MBOAT1: variants seen among roughly 807,000 people sequenced by gnomAD.
MBOAT1 encodes membrane-bound glycerophospholipid O-acyltransferase 1.
MBOAT1 carries 67 observed loss-of-function variants against 64.4 expected under a neutral mutation model. The observed-to-expected ratio is 1.04, with a 90% confidence interval of 0.85 to 1.27. The LOEUF is 1.27. Among genes scored for constraint, MBOAT1 ranks in the 50% most tolerant of loss-of-function variants. The pLI, the probability that MBOAT1 is intolerant of heterozygous loss-of-function variation, is 0.00. For synonymous variants in MBOAT1, 229 were observed against 218.9 expected (o/e 1.05, Z -0.41); for missense variants, 563 against 604.6 (o/e 0.93, Z 0.72).
intron 12 of MBOAT1, among the ~76,000 whole-genome samples, chr6:20,108,041 G>A (rs944994153): frequency 8.5e-4 from 130 of 152,300 alleles, no homozygotes; most frequent in African/African-American, 3.1e-3. Context: ...CAAGGAGGCA[G>A]AAGCAGTCAG....
chr6:20,168,026 C>G (rs949541236), intron 1 of MBOAT1, among the ~76,000 whole-genome samples: 1 of 152,272 alleles, frequency 6.6e-6, no homozygotes, highest in Non-Finnish European at 1.5e-5. Flanking sequence ...CCCTACCTAG[C>G]CTACCAGATG....
intron 1 of MBOAT1, among the ~76,000 whole-genome samples, chr6:20,166,305 A>T (rs9460461): frequency 0.071 from 10,779 of 152,134 alleles, 376 homozygotes; most frequent in South Asian, 0.097. Flanking sequence ...GTGAACTTAG[A>T]TTTTCATAGA....
chr6:20,110,216 C>CT (rs11337867), intron 11 of MBOAT1, among the ~76,000 whole-genome samples: 26,480 of 140,306 alleles, frequency 0.19, 2,558 homozygotes, highest in East Asian at 0.24. Flanking sequence ...GCCCAGGACT[C>CT]TTTTTTTTTT....
At chr6:20,152,847 TTTTG>T in intron 1 of MBOAT1, 78 bp from the exon 2 acceptor site, 1 of 777,470 alleles carries the variant, frequency 1.3e-6, no homozygotes, top group South Asian at 2.0e-5. Context: ...TTTTGTTTTG[TTTTG>T]AGACGGAGTC....
At chr6:20,150,558 TTTCC>T (rs1269207021) in intron 3 of MBOAT1, among the ~76,000 whole-genome samples, 1 of 150,720 alleles carries the variant, frequency 6.6e-6, no homozygotes, top group African/African-American at 2.5e-5. Context: ...TCTTTTTCTT[TTTCC>T]TTTTTTTTTT....
intron 12 of MBOAT1, among the ~76,000 whole-genome samples, chr6:20,105,571 C>T (rs1581391189): frequency 6.6e-6 from 1 of 152,122 alleles, no homozygotes; most frequent in South Asian, 2.1e-4. Context: ...TTGAGACCAG[C>T]CTGGGCAACA....
At chr6:20,173,439 G>A (rs2113729530) in intron 1 of MBOAT1, among the ~76,000 whole-genome samples, 1 of 152,084 alleles carries the variant, frequency 6.6e-6, no homozygotes, top group African/African-American at 2.4e-5. Flanking sequence ...ATTAAAACAG[G>A]TTTTTAATAG....
At chr6:20,154,046 T>G (rs968525328) in intron 1 of MBOAT1, among the ~76,000 whole-genome samples, 2 of 152,170 alleles carry the variant, frequency 1.3e-5, no homozygotes, top group African/African-American at 4.8e-5. Flanking sequence ...AGACACAACT[T>G]CAGCATCAGT....
At chr6:20,123,935 G>T (rs1172038281) in intron 8 of MBOAT1, among the ~76,000 whole-genome samples, 1 of 152,154 alleles carries the variant, frequency 6.6e-6, no homozygotes, top group Non-Finnish European at 1.5e-5. Context: ...GCGGACGCCT[G>T]TAGTCCCAGC....
chr6:20,169,906 C>A (rs998310573), intron 1 of MBOAT1, among the ~76,000 whole-genome samples: 1 of 152,158 alleles, frequency 6.6e-6, no homozygotes, highest in Non-Finnish European at 1.5e-5. Flanking sequence ...CCCTAACTCG[C>A]CACAACTACT....
At chr6:20,196,810 G>A (rs867180032) in intron 1 of MBOAT1, among the ~76,000 whole-genome samples, 3 of 151,562 alleles carry the variant, frequency 2.0e-5, no homozygotes, top group South Asian at 2.1e-4. Context: ...GCAGTGAGCC[G>A]AGAGAGCACC....
chr6:20,103,801 A>C (rs555427053), intron 12 of MBOAT1, among the ~76,000 whole-genome samples: 1 of 151,858 alleles, frequency 6.6e-6, no homozygotes, highest in East Asian at 1.9e-4. Flanking sequence ...TATAAAGTAA[A>C]GAAAGTTACA....
At chr6:20,132,108 T>C (rs1359521867) in intron 4 of MBOAT1, among the ~76,000 whole-genome samples, 1 of 152,162 alleles carries the variant, frequency 6.6e-6, no homozygotes, top group African/African-American at 2.4e-5. Context: ...GTCTCGAACA[T>C]GAGCTCAAGT....
chr6:20,149,287 C>T (rs1318678017), intron 3 of MBOAT1, among the ~76,000 whole-genome samples: 1 of 152,002 alleles, frequency 6.6e-6, no homozygotes, highest in Non-Finnish European at 1.5e-5. Context: ...GAATTGAACA[C>T]AGTGAACCTA....
intron 12 of MBOAT1, among the ~76,000 whole-genome samples, chr6:20,106,927 G>A (rs1380646118): frequency 6.6e-6 from 1 of 152,146 alleles, no homozygotes; most frequent in African/African-American, 2.4e-5. Context: ...AAAGCTACTT[G>A]ATAATTTAAT....
chr6:20,204,857 C>T (rs927672089), intron 1 of MBOAT1, among the ~76,000 whole-genome samples: 1 of 152,170 alleles, frequency 6.6e-6, no homozygotes, highest in African/African-American at 2.4e-5. Context: ...CCCTTCCCAG[C>T]TACAAGCAAG....
chr6:20,121,494 A>G (rs1760492108), intron 8 of MBOAT1, among the ~76,000 whole-genome samples: 2 of 152,170 alleles, frequency 1.3e-5, no homozygotes. Context: ...CCACAGAGAA[A>G]GCTCTCCACA....
At chr6:20,118,409 G>A (rs921960120) in intron 9 of MBOAT1, 28 bp downstream of exon 9, 1 of 1,540,328 alleles carries the variant, frequency 6.5e-7, no homozygotes, top group Non-Finnish European at 9.0e-7. Context: ...CTTCACTATG[G>A]AAGTTGGACT....
Position 20,125,757 on chromosome 6 carries a change from A to G in MBOAT1, c.714+760T>C. 3 of 325,322 alleles carry G rather than the reference A, an allele frequency of 9.2e-6. 1 individual carries two copies. The highest frequency in any genetic ancestry group is 1.2e-5 in the Non-Finnish European group (2 of 169,008). 20.2% of individuals were successfully genotyped at this position (325,322 alleles called of 1,614,324 possible). On this transcript the variant is annotated intron_variant, in intron 7 of 12. Transcript: ENST00000324607. ...CTATGTCAAAAATATCTAAAAACTCATACCTAATTAATAAATCCCTTAAGT... is the reference window on the plus strand; with the variant it reads ...CTATGTCAAAAATATCTAAAAACTCGTACCTAATTAATAAATCCCTTAAGT...
Sources: allele counts gnomAD v4.1 joint callset (sites outside exome capture counted in the v4.1 genomes callset), GRCh38; gene constraint gnomAD v4.1.1; transcripts MANE v1.5; gene names NCBI Gene and HGNC (gene_info 2026-07-23, HGNC 2026-07-21).